The following FAF1 variants were observed in gnomAD, a reference collection of about 807,000 sequenced individuals.
FAF1 encodes FAS-associated factor 1.
Under a neutral mutation model 92.5 loss-of-function variants are expected in FAF1, and 25 were observed. That is an observed-to-expected ratio of 0.27 (90% CI 0.20 to 0.38). FAF1 has a LOEUF of 0.38. Ranked by LOEUF, FAF1 falls within the 10% of genes least tolerant of loss-of-function variation. The pLI is 1.00. For missense variants in FAF1, 636 were observed against 793.3 expected, an observed-to-expected ratio of 0.80 and a Z score of 2.38; for synonymous variants, 234 against 273.2, an observed-to-expected ratio of 0.86 and a Z score of 1.42.
intron 12 of FAF1, among the ~76,000 whole-genome samples, chr1:50,567,603 A>G (rs1261689687): frequency 6.6e-6 from 1 of 152,116 alleles, no homozygotes; most frequent in African/African-American, 2.4e-5. Flanking sequence ...TGAACTGTTC[A>G]ACAATACAGA....
intron 2 of FAF1, among the ~76,000 whole-genome samples, chr1:50,801,947 A>C (rs1216883334): frequency 6.6e-6 from 1 of 152,204 alleles, no homozygotes; most frequent in Non-Finnish European, 1.5e-5. Flanking sequence ...TGATTCAGGC[A>C]AAACACTCAC....
chr1:50,924,890 G>A (rs970249894), intron 1 of FAF1, among the ~76,000 whole-genome samples: 6 of 152,174 alleles, frequency 3.9e-5, no homozygotes, highest in African/African-American at 1.4e-4. Flanking sequence ...GGCTAAGGCA[G>A]GTGAATTACT....
At chr1:50,471,360 C>T (rs1225168181) in intron 18 of FAF1, among the ~76,000 whole-genome samples, 1 of 152,040 alleles carries the variant, frequency 6.6e-6, no homozygotes, top group East Asian at 1.9e-4. Flanking sequence ...TTTGTATACC[C>T]CAAATTTGAA....
chr1:50,490,417 A>T (rs1646818819), intron 17 of FAF1, among the ~76,000 whole-genome samples, 171 bp downstream of exon 17: 1 of 107,674 alleles, frequency 9.3e-6, no homozygotes, highest in Non-Finnish European at 2.1e-5. Flanking sequence ...GGAAGGAAGG[A>T]AGGAAGGAAG....
chr1:50,782,031 C>T (rs764460877), intron 4 of FAF1, among the ~76,000 whole-genome samples: 15 of 152,116 alleles, frequency 9.9e-5, no homozygotes, highest in Non-Finnish European at 1.8e-4. Flanking sequence ...CTGGTATAAA[C>T]AAACCTACTG....
intron 17 of FAF1, among the ~76,000 whole-genome samples, chr1:50,481,423 T>G (rs1328068183): frequency 2.0e-5 from 3 of 152,236 alleles, no homozygotes; most frequent in Non-Finnish European, 4.4e-5. Context: ...TTTCTACATT[T>G]AGATATACAA....
At chr1:50,611,824 C>A (rs988820220) in intron 8 of FAF1, among the ~76,000 whole-genome samples, 7 of 152,126 alleles carry the variant, frequency 4.6e-5, no homozygotes, top group Non-Finnish European at 1.0e-4. Flanking sequence ...ATTTCTCACC[C>A]CCCACCAACC....
intron 6 of FAF1, among the ~76,000 whole-genome samples, chr1:50,735,135 A>G (rs1557500474): frequency 6.6e-6 from 1 of 152,234 alleles, no homozygotes; most frequent in Non-Finnish European, 1.5e-5. Flanking sequence ...ACCTGAGGAC[A>G]CAGCTTGTTT....
At chr1:50,810,349 T>C (rs1643893255) in intron 2 of FAF1, among the ~76,000 whole-genome samples, 1 of 152,134 alleles carries the variant, frequency 6.6e-6, no homozygotes, top group African/African-American at 2.4e-5. Flanking sequence ...CATCTCAAGA[T>C]ACAGAAAAGG....
rs116876459 is a variant in FAF1, at chr1:50,778,893, T to C, written c.367+9107A>G. 0.011 allele frequency among the ~76,000 whole-genome samples: 1,689 copies of C among 152,148 alleles called. 94 individuals carry two copies. The East Asian group carries it at 0.15, about 14-fold the overall frequency. The stretch of plus-strand genomic sequence containing the variant: ...GCTTGCTGCATCGATTAACTTCCTT[T>C]CATGAAAAGTTTTGCTGTAACATAT... On this transcript the variant is annotated intron_variant, in intron 4 of 18. Coordinates refer to ENST00000396153, the MANE Select transcript of FAF1 (RefSeq NM_007051.3).
intron 18 of FAF1, among the ~76,000 whole-genome samples, chr1:50,453,518 C>T (rs760178654): frequency 2.0e-5 from 3 of 152,166 alleles, no homozygotes; most frequent in South Asian, 2.1e-4. Flanking sequence ...AGATGCAGCA[C>T]GTTCAATATC....
chr1:50,813,179 T>C (rs1489607006), intron 2 of FAF1, among the ~76,000 whole-genome samples: 1 of 151,706 alleles, frequency 6.6e-6, no homozygotes, highest in Non-Finnish European at 1.5e-5. Context: ...TTTTCCTATA[T>C]AAGAAACCTG....
At chr1:50,535,227 C>T (rs1465312079) in intron 15 of FAF1, 142 bp downstream of exon 15, 2 of 586,934 alleles carry the variant, frequency 3.4e-6, no homozygotes, top group Non-Finnish European at 6.0e-6. Context: ...AACTCCATAG[C>T]ATAAAAACCC....
chr1:50,808,340 G>A (rs574375778), intron 2 of FAF1, among the ~76,000 whole-genome samples: 1 of 152,212 alleles, frequency 6.6e-6, no homozygotes, highest in Admixed American at 6.5e-5. Context: ...ATAATATAAA[G>A]CAACCGCACA....
At chr1:50,602,995 G>A (rs1448820931) in intron 8 of FAF1, among the ~76,000 whole-genome samples, 2 of 152,148 alleles carry the variant, frequency 1.3e-5, no homozygotes, top group African/African-American at 4.8e-5. Context: ...CCACTTTAGA[G>A]ATGAGGTTAC....
chr1:50,445,178 C>T (rs184514713), intron 18 of FAF1, among the ~76,000 whole-genome samples: 6 of 152,182 alleles, frequency 3.9e-5, no homozygotes, highest in South Asian at 2.1e-4. Flanking sequence ...TTGGTGCACC[C>T]GTCACCCAGG....
chr1:50,494,471 A>G (rs1353686271), intron 15 of FAF1, among the ~76,000 whole-genome samples: 1 of 152,228 alleles, frequency 6.6e-6, no homozygotes, highest in Non-Finnish European at 1.5e-5. Flanking sequence ...GGGTGGAGGT[A>G]GAACAACTGG....
chr1:50,565,996 A>G (rs544780249), intron 13 of FAF1, among the ~76,000 whole-genome samples: 1 of 152,192 alleles, frequency 6.6e-6, no homozygotes, highest in South Asian at 2.1e-4. Flanking sequence ...TAATAACCTG[A>G]TTTAATTTAA....
chr1:50,559,865 C>T (rs1649789362), intron 13 of FAF1, among the ~76,000 whole-genome samples: 1 of 152,084 alleles, frequency 6.6e-6, no homozygotes, highest in Non-Finnish European at 1.5e-5. Context: ...TTTAGGATGG[C>T]AATACACTTC....
Sources: allele counts gnomAD v4.1 joint callset (sites outside exome capture counted in the v4.1 genomes callset), GRCh38; gene constraint gnomAD v4.1.1; transcripts MANE v1.5; gene names NCBI Gene and HGNC (gene_info 2026-07-23, HGNC 2026-07-21).